Variants in KCNH5 observed in about 807,000 individuals in gnomAD.
KCNH5 encodes voltage-gated delayed rectifier potassium channel KCNH5.
In KCNH5, 46 loss-of-function variants were observed where a neutral mutation model predicts 96.1. The observed-to-expected ratio is 0.48, with a 90% CI of 0.38 to 0.61. The LOEUF (loss-of-function observed/expected upper bound fraction) is 0.61, where lower values mean the gene tolerates loss of function less well. KCNH5 is among the 20% of genes least tolerant of loss of function. The probability of loss-of-function intolerance (pLI) is 0.00; values close to 1 mark genes in which losing one functional copy is unlikely to be tolerated. For synonymous variants in KCNH5, 439 were observed against 449.8 expected, an observed-to-expected ratio of 0.98 and a Z score of 0.30; for missense variants, 907 against 1,225.8, an observed-to-expected ratio of 0.74 and a Z score of 3.88.
At chr14:62,767,757 C>T (rs575774014) in intron 10 of KCNH5, among the ~76,000 whole-genome samples, 1 of 152,238 alleles carries the variant, frequency 6.6e-6, no homozygotes, top group Non-Finnish European at 1.5e-5. Context: ...TACCAAAGCC[C>T]CATTGCATGC....
At chr14:63,034,812 G>A (rs903802182) in intron 1 of KCNH5, among the ~76,000 whole-genome samples, 2 of 152,048 alleles carry the variant, frequency 1.3e-5, no homozygotes, top group African/African-American at 4.8e-5. Flanking sequence ...AAATTCTAGT[G>A]GTAGGAATAA....
intron 6 of KCNH5, among the ~76,000 whole-genome samples, chr14:62,967,842 C>A (rs1380648385): frequency 6.6e-6 from 1 of 152,150 alleles, no homozygotes; most frequent in Non-Finnish European, 1.5e-5. Context: ...TATATTTCAA[C>A]CTTCTTTGCC....
At chr14:62,747,264 G>A (rs1016017082) in intron 10 of KCNH5, among the ~76,000 whole-genome samples, 2 of 152,106 alleles carry the variant, frequency 1.3e-5, no homozygotes, top group Admixed American at 6.5e-5. Flanking sequence ...GAATTCGGTA[G>A]GTAGAGATTG....
chr14:62,711,851 T>C (rs2139903365), intron 10 of KCNH5, among the ~76,000 whole-genome samples: 1 of 152,148 alleles, frequency 6.6e-6, no homozygotes, highest in East Asian at 1.9e-4. Context: ...ACCCTGTAGG[T>C]GATCTGCCAC....
intron 7 of KCNH5, among the ~76,000 whole-genome samples, chr14:62,895,099 A>G (rs902116015): frequency 6.6e-6 from 1 of 152,198 alleles, no homozygotes; most frequent in African/African-American, 2.4e-5. Context: ...CATGTGCTCA[A>G]TTAACTCTTA....
chr14:62,961,881 A>AGGAGAT (rs148381445), intron 6 of KCNH5, among the ~76,000 whole-genome samples: 9 of 149,518 alleles, frequency 6.0e-5, no homozygotes, highest in African/African-American at 2.3e-4. Context: ...CAAATGCAGA[A>AGGAGAT]GGAGATGGAG....
At chr14:62,965,076 T>A (rs920656824) in intron 6 of KCNH5, among the ~76,000 whole-genome samples, 1 of 152,064 alleles carries the variant, frequency 6.6e-6, no homozygotes, top group African/African-American at 2.4e-5. Context: ...CCTCAATATA[T>A]ATATAGAGAG....
Position 62,705,037 on chromosome 14 carries a change from TATG to T in KCNH5, c.*2468_*2470del, listed in dbSNP as rs1430326467. On this transcript the variant is annotated 3_prime_UTR_variant, in exon 11 of 11. Coordinates refer to ENST00000322893, the MANE Select transcript of KCNH5 (RefSeq NM_139318.5). ...AGAACAGAGATGGCTGAAAAGACACTATGATAACTGCACCATAATTAAACAATT... is the reference window on the plus strand; with the variant it reads ...AGAACAGAGATGGCTGAAAAGACACTATAACTGCACCATAATTAAACAATT... 7.9e-5 allele frequency: 12 copies of T among 151,996 alleles called. No homozygotes were observed. The highest frequency in any genetic ancestry group is 1.5e-4 in the Non-Finnish European group (10 of 67,860). 9.4% of individuals were successfully genotyped at this position (151,996 alleles called of 1,614,324 possible). A position where few individuals can be genotyped will look rare whatever the true frequency, so the allele number is the denominator to read the frequency against.
At chr14:62,922,720 G>A (rs1889402327) in intron 7 of KCNH5, among the ~76,000 whole-genome samples, 1 of 151,892 alleles carries the variant, frequency 6.6e-6, no homozygotes, top group Non-Finnish European at 1.5e-5. Flanking sequence ...GACCATCTCA[G>A]TAGATGCAGA....
intron 7 of KCNH5, among the ~76,000 whole-genome samples, chr14:62,946,536 C>T (rs893082660): frequency 2.0e-5 from 3 of 151,088 alleles, no homozygotes; most frequent in Admixed American, 2.0e-4. Context: ...ATTTTCAGTT[C>T]CAGGGTACAT....
At chr14:62,871,073 A>G (rs534546244) in intron 7 of KCNH5, among the ~76,000 whole-genome samples, 1 of 152,164 alleles carries the variant, frequency 6.6e-6, no homozygotes, top group Non-Finnish European at 1.5e-5. Flanking sequence ...TTGAACATCC[A>G]CTTGTGAAGA....
intron 8 of KCNH5, among the ~76,000 whole-genome samples, chr14:62,829,156 G>A (rs1232375765): frequency 1.3e-5 from 2 of 152,116 alleles, no homozygotes; most frequent in Non-Finnish European, 2.9e-5. Context: ...TGCACCTGAC[G>A]TTTTGCAGGA....
chr14:63,017,096 G>T, intron 1 of KCNH5, 142 bp from the exon 2 acceptor site: 1 of 735,068 alleles, frequency 1.4e-6, no homozygotes. Context: ...ACCTGTTCTT[G>T]AAACTGACAT....
intron 6 of KCNH5, among the ~76,000 whole-genome samples, chr14:62,970,836 G>C (rs1156948263): frequency 1.3e-5 from 2 of 150,810 alleles, no homozygotes; most frequent in Non-Finnish European, 3.0e-5. Context: ...TACAAGTAGA[G>C]AGGAAATTCT....
intron 5 of KCNH5, among the ~76,000 whole-genome samples, chr14:62,983,237 G>A (rs1890643330): frequency 6.6e-6 from 1 of 152,026 alleles, no homozygotes; most frequent in African/African-American, 2.4e-5. Context: ...AGCCGGGCTT[G>A]TTGGCACGTG....
chr14:63,021,537 A>G (rs1347198265), intron 1 of KCNH5, among the ~76,000 whole-genome samples: 1 of 152,120 alleles, frequency 6.6e-6, no homozygotes. Context: ...CATTCACTGA[A>G]TACCACTCAG....
intron 10 of KCNH5, among the ~76,000 whole-genome samples, chr14:62,731,799 T>C (rs1178240881): frequency 6.6e-6 from 1 of 152,200 alleles, no homozygotes; most frequent in Non-Finnish European, 1.5e-5. Flanking sequence ...TTTTGAGGAA[T>C]GATCACCAAT....
chr14:62,797,477 G>T (rs1886564402), intron 9 of KCNH5, among the ~76,000 whole-genome samples: 1 of 152,110 alleles, frequency 6.6e-6, no homozygotes, highest in African/African-American at 2.4e-5. Flanking sequence ...AAAAGAAAAT[G>T]ATTTTCTGGA....
chr14:62,918,575 ATAG>A (rs1889320864), intron 7 of KCNH5, among the ~76,000 whole-genome samples: 1 of 152,186 alleles, frequency 6.6e-6, no homozygotes, highest in Non-Finnish European at 1.5e-5. Flanking sequence ...GATAGAGGAC[ATAG>A]TAGGCAATTT....
Sources: allele counts gnomAD v4.1 joint callset (sites outside exome capture counted in the v4.1 genomes callset), GRCh38; gene constraint gnomAD v4.1.1; transcripts MANE v1.5; gene names NCBI Gene and HGNC (gene_info 2026-07-23, HGNC 2026-07-21).